C9orf72: variants seen among roughly 807,000 people sequenced by gnomAD.
C9orf72 encodes the protein guanine nucleotide exchange factor C9orf72.
Under a neutral mutation model 51.6 loss-of-function variants are expected in C9orf72, and 44 were observed. The observed-to-expected ratio is 0.85, with a 90% CI of 0.67 to 1.10. C9orf72 has a LOEUF of 1.10. Ranked by LOEUF, C9orf72 falls within the 50% of genes least tolerant of loss-of-function variation. C9orf72 has a pLI of 0.00. For missense variants in C9orf72, 607 were observed against 570.6 expected (o/e 1.06, Z -0.65); for synonymous variants, 213 against 194.2 (o/e 1.10, Z -0.81).
chr9:27,563,916 G>T (rs1211828000), intron 3 of C9orf72, among the ~76,000 whole-genome samples: 1 of 152,022 alleles, frequency 6.6e-6, no homozygotes, highest in African/African-American at 2.4e-5. Flanking sequence ...AATTTTATCA[G>T]ATGACAGCTA....
chr9:27,556,195 A>G (rs933583135), intron 8 of C9orf72, among the ~76,000 whole-genome samples: 27 of 152,154 alleles, frequency 1.8e-4, no homozygotes, highest in African/African-American at 6.5e-4. Flanking sequence ...GGTTTTGTTA[A>G]TAAGTCCATT....
intron 1 of C9orf72, among the ~76,000 whole-genome samples, chr9:27,571,529 C>G (rs1819586351): frequency 6.6e-6 from 1 of 152,140 alleles, no homozygotes; most frequent in East Asian, 1.9e-4. Context: ...GATCATAGCT[C>G]TCGGTAACTT....
intron 3 of C9orf72, among the ~76,000 whole-genome samples, chr9:27,562,708 C>T (rs1248093922): frequency 2.1e-4 from 31 of 147,158 alleles, no homozygotes; most frequent in Non-Finnish European, 4.0e-4. Flanking sequence ...GTTTTGCTTT[C>T]ATTGCTCAGG....
At chr9:27,557,930 CAAT>C (rs1224019413) in intron 7 of C9orf72, among the ~76,000 whole-genome samples, 1 of 151,570 alleles carries the variant, frequency 6.6e-6, no homozygotes, top group Non-Finnish European at 1.5e-5. Flanking sequence ...ATTGAAATAA[CAAT>C]AATAGATTCA....
intron 1 of C9orf72, among the ~76,000 whole-genome samples, chr9:27,567,602 A>G (rs1269704115): frequency 2.0e-5 from 3 of 152,146 alleles, no homozygotes; most frequent in African/African-American, 7.2e-5. Context: ...AGAGACTGAC[A>G]CTTGTGGGTT....
At chr9:27,556,417 A>T in intron 8 of C9orf72, 144 bp downstream of exon 8, 1 of 611,982 alleles carries the variant, frequency 1.6e-6, no homozygotes, top group East Asian at 2.8e-5. Context: ...TAAGAAAAAA[A>T]TGCTTGATTA....
chr9:27,556,719 A>T lies in C9orf72; in HGVS notation c.933T>A (p.Asp311Glu). ...APYPTTHIDV[D>E]VNTVKQMPPC... ...GTGGCATCTGCTTCACAGTATTGAC[A>T]TCCACATCTATGTGTGTGGTGGGAT... The change falls in exon 8 of 11, where the codon GAT (aspartate) becomes GAA (glutamate). Residue 311 changes from aspartate (D) to glutamate (E), a missense_variant. Coordinates refer to ENST00000380003, the MANE Select transcript of C9orf72 (RefSeq NM_018325.5). The T allele has an allele frequency of 1.2e-6, 2 of 1,613,952 alleles. No individual in the cohort carries two copies. The highest frequency in any genetic ancestry group is 3.3e-5 in the Admixed American group (2 of 60,010).
At chr9:27,573,239 G>A (rs1367209810) in intron 1 of C9orf72, among the ~76,000 whole-genome samples, 192 bp downstream of exon 1, 1 of 147,970 alleles carries the variant, frequency 6.8e-6, no homozygotes, top group African/African-American at 2.6e-5. Context: ...CCGCCGGGAA[G>A]CCCGGGGCCC....
chr9:27,548,695 T>G (rs773541376), intron 9 of C9orf72, 29 bp from the exon 10 acceptor site: 2 of 1,305,744 alleles, frequency 1.5e-6, no homozygotes, highest in East Asian at 4.6e-5. Context: ...TTTCAACACA[T>G]AATTTGCTCA....
At chr9:27,550,859 A>G (rs566006012) in intron 8 of C9orf72, 152 bp from the exon 9 acceptor site, 17 of 500,960 alleles carry the variant, frequency 3.4e-5, no homozygotes, top group African/African-American at 3.4e-4. Context: ...ATATAGATAT[A>G]TATATTTGGA....
In C9orf72 at chr9:27,550,671, T is replaced by C. The variant is rs1457467541; in HGVS notation, c.1128A>G (p.Leu376=). 4.4e-6 allele frequency: 7 copies of C among 1,591,096 alleles called. No individual in the cohort carries two copies. In the South Asian group the frequency reaches 7.9e-5, roughly 18 times the overall value. The change falls in exon 9 of 11, where the codon CTA becomes CTG. Residue 376 remains leucine, a synonymous_variant. Transcript: ENST00000380003. The part of the protein sequence containing the change: ...IFQDVLHRDT[L]VKAFLDQVFQ... ...TTACCTGATCCAGGAAGGCTTTCAC[T>C]AGAGTGTCTCTGTGTAAGACATCTT...
Position 27,550,657 on chromosome 9 carries a change from A to C in C9orf72, c.1142T>G (p.Leu381Arg). 6.3e-7 allele frequency: 1 copy of C among 1,582,980 alleles called. No individual in the cohort carries two copies. Among genetic ancestry groups the C allele is most frequent in the Non-Finnish European group, 8.6e-7 (1 of 1,157,826 alleles). Residue 381 changes from leucine (L) to arginine (R), a missense_variant, in exon 9 of 11, where the codon CTG (leucine) becomes CGG (arginine). Transcript: ENST00000380003. ...LHRDTLVKAFLDQVFQLKPGL... is the reference protein window; with the variant it reads ...LHRDTLVKAFRDQVFQLKPGL... ...CTCAAGTTCAACATTTACCTGATCC[A>C]GGAAGGCTTTCACTAGAGTGTCTCT...
intron 8 of C9orf72, among the ~76,000 whole-genome samples, chr9:27,554,259 T>A (rs1355597804): frequency 6.6e-6 from 1 of 152,098 alleles, no homozygotes; most frequent in African/African-American, 2.4e-5. Context: ...AGACAGGGAA[T>A]CAACCTAAAT....
intron 3 of C9orf72, among the ~76,000 whole-genome samples, 200 bp from the exon 4 acceptor site, chr9:27,562,676 CTT>C (rs34007035): frequency 1.4e-4 from 20 of 144,756 alleles, no homozygotes; most frequent in African/African-American, 2.0e-4. Context: ...TCTTTCTTTT[CTT>C]TTTTTTTTTT....
chr9:27,563,491 T>A (rs1587315252), intron 3 of C9orf72, among the ~76,000 whole-genome samples: 1 of 152,354 alleles, frequency 6.6e-6, no homozygotes, highest in African/African-American at 2.4e-5. Context: ...ACATATTTTT[T>A]AAATCATACA....
chr9:27,558,695 T>C (rs1819269466), intron 6 of C9orf72, 88 bp from the exon 7 acceptor site: 4 of 687,540 alleles, frequency 5.8e-6, no homozygotes, highest in Non-Finnish European at 9.9e-6. Flanking sequence ...TTAATTGTTA[T>C]TATCAATAAA....
At chr9:27,560,167 C>T (rs1587311194) in intron 6 of C9orf72, 60 bp downstream of exon 6, 4 of 1,115,838 alleles carry the variant, frequency 3.6e-6, no homozygotes, top group East Asian at 2.5e-5. Flanking sequence ...AAATGACAAT[C>T]CATGATATAT....
At chr9:27,560,175 T>C in intron 6 of C9orf72, 52 bp downstream of exon 6, 1 of 1,180,696 alleles carries the variant, frequency 8.5e-7, no homozygotes, top group Non-Finnish European at 1.2e-6. Flanking sequence ...ATCCATGATA[T>C]ATCATCAGTC....
chr9:27,562,662 T>G (rs1219817260), intron 3 of C9orf72, among the ~76,000 whole-genome samples, 186 bp from the exon 4 acceptor site: 6 of 150,176 alleles, frequency 4.0e-5, no homozygotes. Flanking sequence ...AAGCTCACTT[T>G]TATTCTTTCT....
Sources: allele counts gnomAD v4.1 joint callset (sites outside exome capture counted in the v4.1 genomes callset), GRCh38; gene constraint gnomAD v4.1.1; transcripts MANE v1.5; gene names NCBI Gene and HGNC (gene_info 2026-07-23, HGNC 2026-07-21).